The following TLE1 variants were observed in gnomAD, a reference collection of about 807,000 sequenced individuals.
TLE1 encodes the protein transducin-like enhancer protein 1.
TLE1 carries 21 observed loss-of-function variants against 89.8 expected under a neutral mutation model. That is an observed-to-expected ratio of 0.23 (90% CI 0.17 to 0.34). The LOEUF is 0.34. TLE1 is among the 10% of genes least tolerant of loss of function. The probability of loss-of-function intolerance (pLI) is 1.00; values close to 1 mark genes in which losing one functional copy is unlikely to be tolerated. For missense variants in TLE1, 795 were observed against 1,031.2 expected (o/e 0.77, Z 3.14); for synonymous variants, 447 against 407.6 (o/e 1.10, Z -1.16).
intron 4 of TLE1, among the ~76,000 whole-genome samples, chr9:81,672,887 TCTTA>T (rs1832402660): frequency 6.6e-6 from 1 of 152,174 alleles, no homozygotes; most frequent in African/African-American, 2.4e-5. Context: ...ACAACTTTAT[TCTTA>T]CTGATAGTTA....
At chr9:81,642,993 T>C (rs1828343668) in intron 6 of TLE1, among the ~76,000 whole-genome samples, 2 of 152,098 alleles carry the variant, frequency 1.3e-5, no homozygotes, top group South Asian at 4.1e-4. Flanking sequence ...AGACAAATAA[T>C]GCATAATCTC....
chr9:81,672,376 C>CCAA (rs1832335122), intron 4 of TLE1, among the ~76,000 whole-genome samples: 1 of 151,284 alleles, frequency 6.6e-6, no homozygotes, highest in South Asian at 2.1e-4. Context: ...TCTTTTTGCC[C>CCAA]AGGCTGGAGT....
At chr9:81,587,944 G>GTGTGTGTGTGTGTGTGTGTT in intron 16 of TLE1, 116 bp from the exon 17 acceptor site, 1 of 1,208,300 alleles carries the variant, frequency 8.3e-7, no homozygotes, top group Non-Finnish European at 1.1e-6. Context: ...GTGTGTGTGT[G>GTGTGTGTGTGTGTGTGTGTT]TGATCCCGCC....
At chr9:81,686,553 C>A (rs1834307019) in intron 2 of TLE1, among the ~76,000 whole-genome samples, 1 of 152,168 alleles carries the variant, frequency 6.6e-6, no homozygotes, top group Admixed American at 6.5e-5. Flanking sequence ...CACTTCGCCT[C>A]ATCTGTGTGC....
intron 4 of TLE1, among the ~76,000 whole-genome samples, chr9:81,682,128 C>A (rs910620578): frequency 3.5e-4 from 53 of 152,190 alleles, no homozygotes; most frequent in African/African-American, 1.3e-3. Flanking sequence ...GTGGCGGACA[C>A]CTGTAATCCC....
chr9:81,614,164 T>A (rs1407499756), intron 11 of TLE1, among the ~76,000 whole-genome samples: 1 of 152,118 alleles, frequency 6.6e-6, no homozygotes, highest in East Asian at 1.9e-4. Flanking sequence ...CGCCTTGGCC[T>A]CCCAAAGTGC....
intron 6 of TLE1, among the ~76,000 whole-genome samples, chr9:81,636,832 G>T (rs954296111): frequency 6.7e-6 from 1 of 149,778 alleles, no homozygotes; most frequent in Admixed American, 6.7e-5. Context: ...GTGAAACCCC[G>T]TCTCTACTAA....
At chr9:81,599,141 C>T (rs1416500298) in intron 14 of TLE1, among the ~76,000 whole-genome samples, 2 of 152,144 alleles carry the variant, frequency 1.3e-5, no homozygotes, top group South Asian at 2.1e-4. Flanking sequence ...AACTATGAAG[C>T]GCAATATAGT....
intron 9 of TLE1, among the ~76,000 whole-genome samples, chr9:81,618,154 A>G (rs1824787375): frequency 6.6e-6 from 1 of 152,214 alleles, no homozygotes; most frequent in South Asian, 2.1e-4. Flanking sequence ...TACATTATAC[A>G]ATGTAGGCAT....
At chr9:81,625,184 G>A (rs555217422) in intron 8 of TLE1, among the ~76,000 whole-genome samples, 18 of 152,224 alleles carry the variant, frequency 1.2e-4, no homozygotes, top group Non-Finnish European at 2.2e-4. Context: ...TCTCTCTCAC[G>A]AAAATCTGGA....
intron 14 of TLE1, among the ~76,000 whole-genome samples, chr9:81,609,073 T>C (rs1013913107): frequency 4.0e-5 from 6 of 150,102 alleles, no homozygotes; most frequent in African/African-American, 1.5e-4. Context: ...TCCCCTTTCC[T>C]CTCCTCTCCT....
chr9:81,625,480 T>C (rs1825784290), intron 8 of TLE1, among the ~76,000 whole-genome samples: 2 of 152,206 alleles, frequency 1.3e-5, no homozygotes, highest in Non-Finnish European at 2.9e-5. Context: ...GGTAGCTCAA[T>C]GGCCTGAAGG....
intron 6 of TLE1, among the ~76,000 whole-genome samples, chr9:81,649,649 T>C (rs2132588363): frequency 1.3e-5 from 2 of 152,312 alleles, no homozygotes; most frequent in Middle Eastern, 6.8e-3. Context: ...CATTGTTCTT[T>C]ACCCTAAGTC....
intron 4 of TLE1, among the ~76,000 whole-genome samples, chr9:81,684,894 G>A (rs1447436852): frequency 6.6e-6 from 1 of 152,156 alleles, no homozygotes; most frequent in African/African-American, 2.4e-5. Context: ...TTTGGGCTGA[G>A]CAATCATTTA....
intron 14 of TLE1, among the ~76,000 whole-genome samples, chr9:81,598,733 G>A (rs961994689): frequency 6.6e-6 from 1 of 152,154 alleles, no homozygotes; most frequent in Admixed American, 6.5e-5. Context: ...TCCTAAGGGG[G>A]AAAGGCAGTC....
chr9:81,630,394 T>G (rs1826425947), intron 8 of TLE1, among the ~76,000 whole-genome samples: 1 of 152,236 alleles, frequency 6.6e-6, no homozygotes, highest in Non-Finnish European at 1.5e-5. Context: ...ACTATAATTT[T>G]TTTTGCTTTG....
At chr9:81,674,172 TG>T (rs758596288) in intron 4 of TLE1, among the ~76,000 whole-genome samples, 1 of 152,210 alleles carries the variant, frequency 6.6e-6, no homozygotes, top group Non-Finnish European at 1.5e-5. Context: ...ATACTGCCAT[TG>T]CCCTTGCAAA....
At position 81,585,795 on chromosome 9, in the gene TLE1, A is replaced by G. The variant is rs145695762; in HGVS notation, c.1978-140T>C. ...CAGACTGTGGGGAGGTCCACAGGGC[A>G]AGTGATCTAACGCAGATGAACCAAG... is the stretch of plus-strand genomic sequence containing the variant. On this transcript the variant is annotated intron_variant, in intron 17 of 19. Transcript: ENST00000376499. 8,235 of 1,023,912 alleles carry G rather than the reference A, an allele frequency of 8.0e-3. 49 individuals carry two copies. The highest frequency in any genetic ancestry group is 9.8e-3 in the Non-Finnish European group (7,045 of 717,300). The allele number at this position is 1,023,912 out of a possible 1,614,324, so 63.4% of individuals were successfully genotyped here.
intron 4 of TLE1, among the ~76,000 whole-genome samples, chr9:81,654,571 G>C (rs1207572812): frequency 3.9e-5 from 6 of 152,170 alleles, no homozygotes; most frequent in Non-Finnish European, 5.9e-5. Flanking sequence ...TCGATCTCCT[G>C]ACCTCGTGAT....
Sources: allele counts gnomAD v4.1 joint callset (sites outside exome capture counted in the v4.1 genomes callset), GRCh38; gene constraint gnomAD v4.1.1; transcripts MANE v1.5; gene names NCBI Gene and HGNC (gene_info 2026-07-23, HGNC 2026-07-21).